Variants in IP6K2 observed in about 807,000 individuals in gnomAD.
IP6K2 encodes ATP:1D-myo-inositol-hexakisphosphate phosphotransferase.
IP6K2 carries 9 observed loss-of-function variants against 43.3 expected under a neutral mutation model. The observed-to-expected ratio is 0.21, with a 90% CI of 0.13 to 0.36. The LOEUF (loss-of-function observed/expected upper bound fraction) is 0.36, where lower values mean the gene tolerates loss of function less well. IP6K2 is among the 10% of genes least tolerant of loss of function. The pLI, the probability that IP6K2 is intolerant of heterozygous loss-of-function variation, is 1.00. For missense variants in IP6K2, 332 were observed against 538.4 expected (o/e 0.62, Z 3.79); for synonymous variants, 209 against 202.4 (o/e 1.03, Z -0.28).
intron 1 of IP6K2, among the ~76,000 whole-genome samples, chr3:48,712,715 A>G (rs2080694678): frequency 6.6e-6 from 1 of 150,522 alleles, no homozygotes; most frequent in Non-Finnish European, 1.5e-5. Flanking sequence ...GACTGTCTTT[A>G]TTTAAAATTT....
intron 1 of IP6K2, among the ~76,000 whole-genome samples, chr3:48,697,945 T>C (rs1325367267): frequency 6.6e-6 from 1 of 152,172 alleles, no homozygotes; most frequent in Non-Finnish European, 1.5e-5. Flanking sequence ...CTGAACTCAA[T>C]GGCTAGGAAT....
chr3:48,693,157 T>C lies in IP6K2; in HGVS notation c.225A>G (p.Glu75=), dbSNP rs138179394. ...GACACAAGTTCCTGTCTTCATCTTC[T>C]TCAAAGCGCACAGATACCACACCTG... The part of the protein sequence containing the change: ...QYKGVVSVRF[E]EDEDRNLCLI... Residue 75 remains glutamate, a synonymous_variant, in exon 3 of 6, where the codon GAA becomes GAG. Transcript: ENST00000328631. 1.2e-6 allele frequency: 2 copies of C among 1,614,150 alleles called. No homozygotes were observed. The highest frequency in any genetic ancestry group is 1.7e-6 in the Non-Finnish European group (2 of 1,179,984).
intron 1 of IP6K2, chr3:48,715,244 T>C (rs1275579649): frequency 1.3e-6 from 2 of 1,503,782 alleles, no homozygotes; most frequent in Non-Finnish European, 1.8e-6. Context: ...CTAGGTGAAA[T>C]AACTTCACTT....
At chr3:48,689,450 C>A in intron 5 of IP6K2, 88 bp downstream of exon 5, 1 of 1,396,868 alleles carries the variant, frequency 7.2e-7, no homozygotes, top group African/African-American at 1.4e-5. Flanking sequence ...CTGCACCTGG[C>A]CTGGAATCTT....
intron 4 of IP6K2, among the ~76,000 whole-genome samples, chr3:48,690,577 G>C (rs1054772411): frequency 6.6e-6 from 1 of 152,078 alleles, no homozygotes; most frequent in Admixed American, 6.5e-5. Flanking sequence ...ATCACCTGAG[G>C]TCAGGAGTTT....
chr3:48,701,317 AGCACCCTGGGAG>A (rs1401200462), intron 1 of IP6K2, among the ~76,000 whole-genome samples: 2 of 152,076 alleles, frequency 1.3e-5, no homozygotes, highest in Non-Finnish European at 2.9e-5. Flanking sequence ...CTATAGTCCT[AGCACCCTGGGAG>A]GCTGAGGCGG....
Position 48,688,857 on chromosome 3 carries a change from G to A in IP6K2, c.781-84C>T. ...GGCGGGGGTGGGGTGGTGTGGTGGT[G>A]GCGGCATGTGACAGCCCAGATCAGA... On this transcript the variant is annotated intron_variant, in intron 5 of 5. Coordinates refer to ENST00000328631, the MANE Select transcript of IP6K2 (RefSeq NM_016291.4). The surrounding 1 kb of genome is among the most constrained non-coding windows in gnomAD (Gnocchi z 5.1). The A allele has an allele frequency of 7.0e-7, 1 of 1,438,568 alleles. No individual in the cohort carries two copies. Among genetic ancestry groups the A allele is most frequent in the Non-Finnish European group, 9.4e-7 (1 of 1,065,278 alleles). 89.1% of individuals were successfully genotyped at this position (1,438,568 alleles called of 1,614,324 possible). A position where few individuals can be genotyped will look rare whatever the true frequency, so the allele number is the denominator to read the frequency against.
intron 5 of IP6K2, 72 bp downstream of exon 5, chr3:48,689,466 C>T: frequency 1.4e-6 from 2 of 1,477,856 alleles, no homozygotes; most frequent in South Asian, 2.5e-5. Context: ...ATCTTTTGAG[C>T]AAACAGGACT....
chr3:48,695,850 T>C lies in IP6K2; in HGVS notation c.-130-429A>G, dbSNP rs1305016933. On this transcript the variant is annotated intron_variant, in intron 1 of 5. Coordinates refer to ENST00000328631, the MANE Select transcript of IP6K2 (RefSeq NM_016291.4). The surrounding 1 kb of genome is among the most constrained non-coding windows in gnomAD (Gnocchi z 4.6). ...TATATATTATATATAATATATATTA[T>C]ATATATAAAATAAATATATATATAT... 6.8e-6 allele frequency among the ~76,000 whole-genome samples: 1 copy of C among 147,310 alleles called. No individual in the cohort carries two copies. Among genetic ancestry groups the C allele is most frequent in the Non-Finnish European group, 1.5e-5 (1 of 67,000 alleles).
Position 48,706,560 on chromosome 3 carries a change from G to A in IP6K2, c.-131+10597C>T, listed in dbSNP as rs116097585. 4.2e-3 allele frequency among the ~76,000 whole-genome samples: 638 copies of A among 152,210 alleles called. 6 individuals carry two copies. The highest frequency in any genetic ancestry group is 0.014 in the African/African-American group (583 of 41,544). ...TTGTAATATTGCTATTATAGAAAGA[G>A]GTGGTCAGGCCAGGTGCGGTGGCTC... On this transcript the variant is annotated intron_variant, in intron 1 of 5. Coordinates refer to ENST00000328631, the MANE Select transcript of IP6K2 (RefSeq NM_016291.4).
intron 4 of IP6K2, among the ~76,000 whole-genome samples, chr3:48,689,938 C>A (rs1033306772): frequency 6.6e-5 from 10 of 152,206 alleles, no homozygotes; most frequent in African/African-American, 2.4e-4. Context: ...TGCACCCGGA[C>A]TCAACAGAGG....
At position 48,688,799 on chromosome 3, in the gene IP6K2, G is replaced by A. The variant is rs1441613212; in HGVS notation, c.781-26C>T. 10 of 1,577,546 alleles carry A rather than the reference G, an allele frequency of 6.3e-6. No homozygotes were observed. The highest frequency in any genetic ancestry group is 1.7e-5 in the Admixed American group (1 of 57,324). ...CTGTAGGAGAGAGACCAGCAAGTCA[G>A]GGGCTGAGGGCCATCTCAAACCCTG... is the stretch of plus-strand genomic sequence containing the variant. On this transcript the variant is annotated intron_variant, in intron 5 of 5. Transcript: ENST00000328631. The surrounding 1 kb of genome is among the most constrained non-coding windows in gnomAD (Gnocchi z 5.1).
intron 1 of IP6K2, among the ~76,000 whole-genome samples, chr3:48,703,113 T>C (rs2079251680): frequency 6.6e-6 from 1 of 152,218 alleles, no homozygotes; most frequent in Non-Finnish European, 1.5e-5. Context: ...GGAGTATAAA[T>C]TAAGGACCCA....
chr3:48,694,634 AAT>A, intron 2 of IP6K2: 1 of 1,517,498 alleles, frequency 6.6e-7, no homozygotes, highest in Non-Finnish European at 8.8e-7. Context: ...GGCTTGGGCT[AAT>A]CAGCACAGGC....
chr3:48,716,479 T>C (rs750935240), intron 1 of IP6K2: 6 of 152,318 alleles, frequency 3.9e-5, no homozygotes, highest in Non-Finnish European at 5.9e-5. Flanking sequence ...AATACAATCC[T>C]AAAATGAAAT....
At chr3:48,692,442 C>A (rs2077884947) in intron 3 of IP6K2, among the ~76,000 whole-genome samples, 1 of 152,230 alleles carries the variant, frequency 6.6e-6, no homozygotes, top group Admixed American at 6.5e-5. Flanking sequence ...CAAAAGCTGG[C>A]AACTGGGAAA....
chr3:48,710,748 T>C (rs143828290), intron 1 of IP6K2, among the ~76,000 whole-genome samples: 2,856 of 152,218 alleles, frequency 0.019, 89 homozygotes, highest in African/African-American at 0.065. Context: ...CAGCTGGGAC[T>C]ACAGGTGGCC....
At chr3:48,716,040 T>C (rs1000227203) in intron 1 of IP6K2, among the ~76,000 whole-genome samples, 8 of 152,132 alleles carry the variant, frequency 5.3e-5, no homozygotes, top group Non-Finnish European at 8.8e-5. Flanking sequence ...AACAACACCC[T>C]GAAGCTTCTC....
chr3:48,692,212 A>G (rs2077863258), intron 3 of IP6K2, among the ~76,000 whole-genome samples: 1 of 152,234 alleles, frequency 6.6e-6, no homozygotes, highest in Non-Finnish European at 1.5e-5. Context: ...AAACTCTCTG[A>G]ACACTCCAAA....
Sources: allele counts gnomAD v4.1 joint callset (sites outside exome capture counted in the v4.1 genomes callset), GRCh38; gene constraint gnomAD v4.1.1; non-coding constraint Gnocchi (gnomAD v3.1); transcripts MANE v1.5; gene names NCBI Gene and HGNC (gene_info 2026-07-23, HGNC 2026-07-21).